RNLS: variants seen among roughly 807,000 people sequenced by gnomAD.
The protein encoded by RNLS is renalase, FAD dependent amine oxidase.
A neutral mutation model predicts 39.8 loss-of-function variants in RNLS; 39 were observed. The observed-to-expected ratio is 0.98, with a 90% CI of 0.76 to 1.28. The LOEUF is 1.28. Ranked by LOEUF, RNLS falls within the 50% of genes most tolerant of loss-of-function variation. RNLS has a pLI of 0.00. For synonymous variants in RNLS, 147 were observed against 150.7 expected (o/e 0.98, Z 0.18); for missense variants, 410 against 413.3 (o/e 0.99, Z 0.07).
chr10:88,230,496 G>C, the RNLS span, among the ~76,000 whole-genome samples: 1 of 151,332 alleles, frequency 6.6e-6, no homozygotes. Context: ...TCTTTCTGTC[G>C]TGCCTTCTTC....
intron 6 of RNLS, among the ~76,000 whole-genome samples, chr10:88,296,591 A>T (rs1844113252): frequency 6.6e-6 from 1 of 152,220 alleles, no homozygotes; most frequent in African/African-American, 2.4e-5. Context: ...TGAAAATTAA[A>T]TTGAAAGTAT....
intron 4 of RNLS, among the ~76,000 whole-genome samples, chr10:88,425,057 T>G (rs1319629047): frequency 6.6e-6 from 1 of 152,154 alleles, no homozygotes; most frequent in Non-Finnish European, 1.5e-5. Context: ...TCAAATATAT[T>G]GCCACACACC....
intron 4 of RNLS, among the ~76,000 whole-genome samples, chr10:88,520,845 C>A (rs1402051374): frequency 6.6e-6 from 1 of 151,984 alleles, no homozygotes; most frequent in Non-Finnish European, 1.5e-5. Context: ...CCTTAACAGT[C>A]TTCCTGAAGA....
At chr10:88,493,853 G>A (rs938658314) in intron 4 of RNLS, among the ~76,000 whole-genome samples, 12 of 152,144 alleles carry the variant, frequency 7.9e-5, no homozygotes, top group African/African-American at 2.9e-4. Flanking sequence ...TTCTACCACT[G>A]CTGACGACTG....
the RNLS span, among the ~76,000 whole-genome samples, chr10:88,224,312 C>T: frequency 6.6e-6 from 1 of 152,156 alleles, no homozygotes; most frequent in African/African-American, 2.4e-5. Flanking sequence ...TCATCTTAAC[C>T]ACCTCCTAAA....
chr10:88,367,740 C>T (rs922340103), intron 4 of RNLS, among the ~76,000 whole-genome samples: 5 of 152,060 alleles, frequency 3.3e-5, no homozygotes, highest in Non-Finnish European at 5.9e-5. Flanking sequence ...ATTACATTGT[C>T]GTTTTAATTT....
At chr10:88,361,999 C>G (rs764379607) in intron 5 of RNLS, among the ~76,000 whole-genome samples, 20 of 151,480 alleles carry the variant, frequency 1.3e-4, no homozygotes, top group Non-Finnish European at 2.7e-4. Context: ...AGATTCACCA[C>G]ATTCTAGTGA....
At chr10:88,318,776 C>T (rs1032724232) in intron 5 of RNLS, among the ~76,000 whole-genome samples, 7 of 152,174 alleles carry the variant, frequency 4.6e-5, no homozygotes, top group African/African-American at 1.4e-4. Context: ...AGGCTGGGAG[C>T]CCTGTGACAT....
At chr10:88,359,748 T>A (rs1024965065) in intron 5 of RNLS, among the ~76,000 whole-genome samples, 1 of 152,228 alleles carries the variant, frequency 6.6e-6, no homozygotes, top group Non-Finnish European at 1.5e-5. Flanking sequence ...TTATTAATAT[T>A]TTATGTTGTA....
intron 4 of RNLS, among the ~76,000 whole-genome samples, chr10:88,498,495 G>A (rs1443043501): frequency 6.7e-6 from 1 of 148,508 alleles, no homozygotes; most frequent in Non-Finnish European, 1.5e-5. Context: ...TTTTTCTGTT[G>A]TTATAAAGGG....
chr10:88,482,329 T>C (rs773040300), intron 4 of RNLS, among the ~76,000 whole-genome samples: 4 of 152,126 alleles, frequency 2.6e-5, no homozygotes, highest in Non-Finnish European at 5.9e-5. Flanking sequence ...CTCTGCTCAT[T>C]TTCCTTCAGT....
chr10:88,335,310 T>G (rs1194477524), intron 5 of RNLS, among the ~76,000 whole-genome samples: 1 of 151,886 alleles, frequency 6.6e-6, no homozygotes, highest in Non-Finnish European at 1.5e-5. Context: ...CTCCACCTCC[T>G]GGGCTCAAGC....
chr10:88,340,124 G>A (rs553801719), intron 5 of RNLS, among the ~76,000 whole-genome samples: 1 of 152,336 alleles, frequency 6.6e-6, no homozygotes, highest in South Asian at 2.1e-4. Context: ...TACAGAGGAA[G>A]CAATATCTTG....
At chr10:88,388,416 G>T (rs78762515) in intron 4 of RNLS, among the ~76,000 whole-genome samples, 1,680 of 152,258 alleles carry the variant, frequency 0.011, 33 homozygotes, top group African/African-American at 0.038. Context: ...CTTAAAACAT[G>T]CCTGAGAATA....
the RNLS span, among the ~76,000 whole-genome samples, chr10:88,202,450 A>C: frequency 6.6e-6 from 1 of 152,140 alleles, no homozygotes; most frequent in Admixed American, 6.5e-5. Context: ...AAGTATAAAA[A>C]AAAAATGTAT....
chr10:88,223,486 T>C, the RNLS span, among the ~76,000 whole-genome samples: 16 of 152,296 alleles, frequency 1.1e-4, 1 homozygote, highest in African/African-American at 3.6e-4. Flanking sequence ...CAGTACTGGA[T>C]TTTATTTGAA....
intron 4 of RNLS, among the ~76,000 whole-genome samples, chr10:88,413,459 A>C (rs1853826556): frequency 6.6e-6 from 1 of 152,180 alleles, no homozygotes; most frequent in Non-Finnish European, 1.5e-5. Context: ...CATAAAGCTA[A>C]GTCTACTTTT....
intron 4 of RNLS, among the ~76,000 whole-genome samples, chr10:88,455,844 A>G (rs1185642615): frequency 6.6e-6 from 1 of 152,232 alleles, no homozygotes; most frequent in Non-Finnish European, 1.5e-5. Context: ...AAAACAAAAC[A>G]AAACAAAAAT....
chr10:88,309,838 CAA>C (rs1845223717), intron 6 of RNLS, among the ~76,000 whole-genome samples: 1 of 152,116 alleles, frequency 6.6e-6, no homozygotes, highest in Non-Finnish European at 1.5e-5. Flanking sequence ...GAGAGCTTTC[CAA>C]AAGAGTTGTT....
Sources: allele counts gnomAD v4.1 joint callset (sites outside exome capture counted in the v4.1 genomes callset), GRCh38; gene constraint gnomAD v4.1.1; transcripts MANE v1.5; gene names NCBI Gene and HGNC (gene_info 2026-07-23, HGNC 2026-07-21).